The following PEBP4 variants were observed in gnomAD, a reference collection of about 807,000 sequenced individuals.
PEBP4 encodes phosphatidylethanolamine-binding protein 4.
PEBP4 carries 22 observed loss-of-function variants against 23.9 expected under a neutral mutation model. That is an observed-to-expected ratio of 0.92 (90% CI 0.66 to 1.31). The LOEUF is 1.31. Ranked by LOEUF, PEBP4 falls within the 40% of genes most tolerant of loss-of-function variation. The pLI, the probability that PEBP4 is intolerant of heterozygous loss-of-function variation, is 0.00. For synonymous variants in PEBP4, 112 were observed against 99.3 expected (o/e 1.13, Z -0.76); for missense variants, 324 against 281.7 (o/e 1.15, Z -1.07).
chr8:22,750,732 C>A (rs1210490788), intron 4 of PEBP4, among the ~76,000 whole-genome samples: 2 of 152,168 alleles, frequency 1.3e-5, no homozygotes, highest in Non-Finnish European at 2.9e-5. Context: ...TAGGGTCAAG[C>A]TTCACTCTCT....
intron 3 of PEBP4, among the ~76,000 whole-genome samples, chr8:22,860,478 A>G (rs1807754131): frequency 6.6e-6 from 1 of 152,122 alleles, no homozygotes; most frequent in Admixed American, 6.5e-5. Context: ...GGAATGGTAC[A>G]GTACCTGTCT....
At chr8:22,880,974 G>T (rs1302605333) in intron 3 of PEBP4, among the ~76,000 whole-genome samples, 1 of 152,242 alleles carries the variant, frequency 6.6e-6, no homozygotes, top group Non-Finnish European at 1.5e-5. Flanking sequence ...GCTCTGCCTG[G>T]GGGAAGAGGT....
chr8:22,810,521 G>A (rs1806596625), intron 4 of PEBP4, among the ~76,000 whole-genome samples: 2 of 152,164 alleles, frequency 1.3e-5, no homozygotes, highest in South Asian at 4.2e-4. Flanking sequence ...CTCATGTCAG[G>A]GCAAGGATGG....
intron 4 of PEBP4, among the ~76,000 whole-genome samples, chr8:22,747,021 A>AT (rs1563202736): frequency 1.4e-5 from 2 of 143,274 alleles, no homozygotes; most frequent in South Asian, 4.6e-4. Flanking sequence ...TTTTTTAGAG[A>AT]CGGGGGTCTC....
At chr8:22,816,861 T>C (rs947096967) in intron 4 of PEBP4, among the ~76,000 whole-genome samples, 4 of 152,084 alleles carry the variant, frequency 2.6e-5, no homozygotes, top group African/African-American at 9.7e-5. Flanking sequence ...AACAAAAGGA[T>C]TCAATAATCA....
intron 4 of PEBP4, among the ~76,000 whole-genome samples, chr8:22,758,614 T>C (rs1805439724): frequency 2.0e-5 from 3 of 152,196 alleles, no homozygotes; most frequent in Non-Finnish European, 4.4e-5. Context: ...GGCCACTCAC[T>C]TGGCCTGCCC....
intron 4 of PEBP4, among the ~76,000 whole-genome samples, chr8:22,743,062 A>G: frequency 6.6e-6 from 1 of 152,092 alleles, no homozygotes; most frequent in Admixed American, 6.5e-5. Flanking sequence ...TGTGCTGGGG[A>G]GCCAATGCTC....
intron 3 of PEBP4, among the ~76,000 whole-genome samples, chr8:22,902,931 T>C (rs1466643137): frequency 2.0e-5 from 3 of 152,136 alleles, no homozygotes; most frequent in Non-Finnish European, 4.4e-5. Flanking sequence ...CCACACGCTG[T>C]AGGGGTTGGG....
At chr8:22,739,646 G>A (rs1029448010) in intron 4 of PEBP4, among the ~76,000 whole-genome samples, 1 of 152,126 alleles carries the variant, frequency 6.6e-6, no homozygotes, top group Admixed American at 6.5e-5. Context: ...CCGAGTGGCT[G>A]TGACTGCTGA....
At chr8:22,780,243 T>A (rs1805888305) in intron 4 of PEBP4, among the ~76,000 whole-genome samples, 1 of 152,122 alleles carries the variant, frequency 6.6e-6, no homozygotes, top group Non-Finnish European at 1.5e-5. Flanking sequence ...GAATGATAGG[T>A]GTGAACCATC....
intron 3 of PEBP4, among the ~76,000 whole-genome samples, chr8:22,908,484 C>A (rs1239121602): frequency 6.6e-6 from 1 of 152,116 alleles, no homozygotes; most frequent in East Asian, 1.9e-4. Context: ...GGATTGACCA[C>A]TGGCTCTCAC....
At chr8:22,886,634 C>T (rs1008866882) in intron 3 of PEBP4, 1 of 152,286 alleles carries the variant, frequency 6.6e-6, no homozygotes, top group Non-Finnish European at 1.5e-5. Context: ...CTGTAGCCCC[C>T]AAACATCCTG....
chr8:22,818,995 A>T (rs1316333404), intron 3 of PEBP4, among the ~76,000 whole-genome samples: 2 of 152,164 alleles, frequency 1.3e-5, no homozygotes, highest in African/African-American at 4.8e-5. Flanking sequence ...GGACATTCAG[A>T]GTTCTGGTTT....
intron 3 of PEBP4, among the ~76,000 whole-genome samples, chr8:22,907,150 C>T (rs1205634768): frequency 6.6e-6 from 1 of 152,118 alleles, no homozygotes; most frequent in African/African-American, 2.4e-5. Flanking sequence ...ATAAAGCATG[C>T]CCCATGCAGT....
chr8:22,891,036 G>A (rs981938796), intron 3 of PEBP4, among the ~76,000 whole-genome samples: 2 of 152,096 alleles, frequency 1.3e-5, no homozygotes, highest in African/African-American at 4.8e-5. Flanking sequence ...CACCATGTTG[G>A]CCAGGCTGGT....
intron 4 of PEBP4, among the ~76,000 whole-genome samples, chr8:22,751,964 A>G (rs1805277457): frequency 6.6e-6 from 1 of 152,206 alleles, no homozygotes; most frequent in Admixed American, 6.5e-5. Context: ...TGGTTTGATC[A>G]TAGCGCACTG....
At chr8:22,779,688 C>A (rs964838591) in intron 4 of PEBP4, among the ~76,000 whole-genome samples, 1 of 152,162 alleles carries the variant, frequency 6.6e-6, no homozygotes, top group African/African-American at 2.4e-5. Flanking sequence ...TGATATGGTG[C>A]CCTTAGCACT....
chr8:22,861,677 C>T (rs1807780072), intron 3 of PEBP4, among the ~76,000 whole-genome samples: 1 of 152,194 alleles, frequency 6.6e-6, no homozygotes, highest in Non-Finnish European at 1.5e-5. Flanking sequence ...TCTGTTTTGG[C>T]TCTCGTTCTG....
At position 22,772,537 on chromosome 8, in the gene PEBP4, C is replaced by T. The variant is rs1055670870; in HGVS notation, c.357+45100G>A. The stretch of plus-strand genomic sequence containing the variant: ...TTGAGACAGGGTCTTGCTCTGTCAT[C>T]CAGGCTGGAGTAAAATGCTGTGATT... On this transcript the variant is annotated intron_variant, in intron 4 of 6. Coordinates refer to ENST00000256404, the MANE Select transcript of PEBP4 (RefSeq NM_144962.3). Among the ~76,000 whole-genome samples, 12 of 137,180 alleles carry T rather than the reference C, an allele frequency of 8.7e-5. 1 individual carries two copies. The South Asian group carries it at 2.8e-3, about 32-fold the overall frequency. 90.0% of individuals were successfully genotyped at this position (137,180 alleles called of 152,430 possible). A position where few individuals can be genotyped will look rare whatever the true frequency, so the allele number is the denominator to read the frequency against.
Sources: allele counts gnomAD v4.1 joint callset (sites outside exome capture counted in the v4.1 genomes callset), GRCh38; gene constraint gnomAD v4.1.1; transcripts MANE v1.5; gene names NCBI Gene and HGNC (gene_info 2026-07-23, HGNC 2026-07-21).